The following CPED1 variants were observed in gnomAD, a reference collection of about 807,000 sequenced individuals.
CPED1 encodes the protein cadherin-like and PC-esterase domain-containing protein 1.
CPED1 carries 114 observed loss-of-function variants against 128.2 expected under a neutral mutation model. The ratio of observed to expected loss-of-function variants is 0.89; its 90% CI spans 0.76 to 1.04. CPED1 has a LOEUF of 1.04. Among genes scored for constraint, CPED1 ranks in the 50% least tolerant of loss-of-function variants. CPED1 has a pLI of 0.00. For missense variants in CPED1, 1,211 were observed against 1,207.1 expected (o/e 1.00, Z -0.05); for synonymous variants, 462 against 426.7 (o/e 1.08, Z -1.02).
intron 2 of CPED1, among the ~76,000 whole-genome samples, chr7:120,992,316 T>C (rs1796321641): frequency 6.6e-6 from 1 of 152,166 alleles, no homozygotes; most frequent in African/African-American, 2.4e-5. Context: ...AATCTTTGCT[T>C]TAAGTGTTTT....
At chr7:121,184,127 C>T (rs554305154) in intron 16 of CPED1, among the ~76,000 whole-genome samples, 46 of 141,294 alleles carry the variant, frequency 3.3e-4, no homozygotes, top group Admixed American at 2.2e-3. Flanking sequence ...GGTGACAGAG[C>T]GAGACTCTGT....
chr7:121,212,642 G>T (rs1424358902), intron 16 of CPED1, among the ~76,000 whole-genome samples: 1 of 151,856 alleles, frequency 6.6e-6, no homozygotes, highest in African/African-American at 2.4e-5. Context: ...GAGGGCAGGG[G>T]CTATGGCAGG....
At chr7:121,192,214 A>G (rs755677346) in intron 16 of CPED1, among the ~76,000 whole-genome samples, 202 of 152,170 alleles carry the variant, frequency 1.3e-3, no homozygotes, top group Middle Eastern at 0.01. Context: ...CCTACAAGTC[A>G]TGTATGCATA....
chr7:121,067,376 G>T (rs1793862017), intron 5 of CPED1, among the ~76,000 whole-genome samples: 1 of 151,258 alleles, frequency 6.6e-6, no homozygotes, highest in African/African-American at 2.4e-5. Flanking sequence ...TTGTTTTTTT[G>T]TCCTTGCGAT....
chr7:121,046,851 A>G, intron 3 of CPED1, 36 bp from the exon 4 acceptor site: 2 of 1,375,358 alleles, frequency 1.5e-6, no homozygotes, highest in East Asian at 2.4e-5. Flanking sequence ...ATATCTGATG[A>G]AAACTTATTT....
At chr7:121,067,045 T>G (rs1359849328) in intron 5 of CPED1, among the ~76,000 whole-genome samples, 2 of 152,000 alleles carry the variant, frequency 1.3e-5, no homozygotes, top group Non-Finnish European at 2.9e-5. Flanking sequence ...GATTTTAGTA[T>G]CCATGGCTGG....
chr7:121,225,392 T>C (rs1429974260), intron 16 of CPED1, among the ~76,000 whole-genome samples: 3 of 152,178 alleles, frequency 2.0e-5, no homozygotes, highest in African/African-American at 7.2e-5. Context: ...CTGACCTTTC[T>C]CTCTGGCTGC....
intron 16 of CPED1, among the ~76,000 whole-genome samples, chr7:121,163,956 T>G (rs927418740): frequency 6.6e-6 from 1 of 152,252 alleles, no homozygotes; most frequent in Non-Finnish European, 1.5e-5. Flanking sequence ...CAGGGTTGGA[T>G]AGACCAAATG....
chr7:120,998,978 C>T (rs1791750241), intron 2 of CPED1, among the ~76,000 whole-genome samples: 1 of 152,110 alleles, frequency 6.6e-6, no homozygotes, highest in Non-Finnish European at 1.5e-5. Context: ...AGAATATAAG[C>T]TCCTTCAGAT....
At chr7:121,218,151 A>ATTTTT (rs34168785) in intron 16 of CPED1, among the ~76,000 whole-genome samples, 1 of 141,732 alleles carries the variant, frequency 7.1e-6, no homozygotes, top group African/African-American at 2.6e-5. Context: ...TGCCTGGCTA[A>ATTTTT]TTTTTTTTTT....
At chr7:121,182,943 T>C (rs1209650612) in intron 16 of CPED1, among the ~76,000 whole-genome samples, 5 of 152,082 alleles carry the variant, frequency 3.3e-5, no homozygotes, top group Non-Finnish European at 5.9e-5. Context: ...AGCATTTTTT[T>C]CTTCAAAAAC....
rs1023654870 is a variant in CPED1 at position 121,271,393 on chromosome 7, A to T, written c.2831A>T (p.Glu944Val). 1.2e-6 allele frequency: 2 copies of T among 1,612,932 alleles called. No homozygotes were observed. Among genetic ancestry groups the T allele is most frequent in the East Asian group, 4.5e-5 (2 of 44,782 alleles). The change falls in exon 22 of 23, where the codon GAG (glutamate) becomes GTG (valine). Residue 944 changes from glutamate (E) to valine (V), a missense_variant. Transcript: ENST00000310396. ...TFTITMGRYK[E>V]FLQGKCGCHF... ...ACTATAACAATGGGGCGTTACAAAGAGTTTCTACAGGGGAAGTGTGGATGT... is the reference window on the plus strand; with the variant it reads ...ACTATAACAATGGGGCGTTACAAAGTGTTTCTACAGGGGAAGTGTGGATGT...
chr7:121,163,967 A>AT (rs1262266487), intron 16 of CPED1, among the ~76,000 whole-genome samples: 2 of 152,230 alleles, frequency 1.3e-5, no homozygotes, highest in Non-Finnish European at 2.9e-5. Flanking sequence ...AGACCAAATG[A>AT]TTTTTTAAAA....
chr7:121,055,060 T>C (rs1241829614), intron 4 of CPED1, among the ~76,000 whole-genome samples: 1 of 152,188 alleles, frequency 6.6e-6, no homozygotes, highest in Non-Finnish European at 1.5e-5. Flanking sequence ...ATGAATAAGA[T>C]TCAATTTTAT....
intron 7 of CPED1, among the ~76,000 whole-genome samples, chr7:121,117,071 T>C (rs1227002563): frequency 3.8e-5 from 4 of 106,440 alleles, no homozygotes; most frequent in South Asian, 2.8e-4. Flanking sequence ...TATATATATA[T>C]ACACATTATA....
intron 18 of CPED1, among the ~76,000 whole-genome samples, chr7:121,260,750 A>C (rs1791997139): frequency 6.6e-6 from 1 of 152,052 alleles, no homozygotes; most frequent in Non-Finnish European, 1.5e-5. Flanking sequence ...CCCTTTGGGA[A>C]GGTTCTAGTG....
intron 16 of CPED1, among the ~76,000 whole-genome samples, chr7:121,196,446 T>C (rs1797275119): frequency 6.6e-6 from 1 of 152,090 alleles, no homozygotes; most frequent in African/African-American, 2.4e-5. Flanking sequence ...AAAACTCTCT[T>C]CTCTGATTAA....
intron 3 of CPED1, 31 bp from the exon 4 acceptor site, chr7:121,046,856 T>G: frequency 2.9e-6 from 4 of 1,402,174 alleles, no homozygotes; most frequent in South Asian, 1.3e-5. Context: ...TGATGAAAAC[T>G]TATTTGTTTT....
chr7:121,254,643 T>C lies in CPED1; in HGVS notation c.2310+10305T>C, dbSNP rs190234056. 3.2e-4 allele frequency among the ~76,000 whole-genome samples: 48 copies of C among 151,884 alleles called. 1 individual carries two copies. The highest frequency in any genetic ancestry group is 1.0e-3 in the African/African-American group (43 of 41,506). ...GAAGTCGGTTCTTCAAAAAGATAAG[T>C]AAGACTGATAGACTAACTAGATTAA... On this transcript the variant is annotated intron_variant, in intron 18 of 22. Transcript: ENST00000310396.
Sources: allele counts gnomAD v4.1 joint callset (sites outside exome capture counted in the v4.1 genomes callset), GRCh38; gene constraint gnomAD v4.1.1; transcripts MANE v1.5; gene names NCBI Gene and HGNC (gene_info 2026-07-23, HGNC 2026-07-21).